The following DYSF variants were observed in gnomAD, a reference collection of about 807,000 sequenced individuals.
DYSF encodes dysferlin.
A neutral mutation model predicts 274.9 loss-of-function variants in DYSF; 212 were observed. The ratio of observed to expected loss-of-function variants is 0.77; its 90% confidence interval spans 0.69 to 0.86. DYSF has a LOEUF of 0.86. Among genes scored for constraint, DYSF ranks in the 40% least tolerant of loss-of-function variants. The pLI is 0.00. For missense variants in DYSF, 2,666 were observed against 2,783.2 expected (o/e 0.96, Z 0.95); for synonymous variants, 1,091 against 1,078.7 (o/e 1.01, Z -0.22).
At chr2:71,513,099 G>A (rs1227946711) in intron 5 of DYSF, 141 bp from the exon 6 acceptor site, 3 of 788,670 alleles carry the variant, frequency 3.8e-6, no homozygotes, top group Admixed American at 2.0e-5. Context: ...GTGCCACTGG[G>A]CTCCACAGCT....
intron 41 of DYSF, among the ~76,000 whole-genome samples, chr2:71,629,241 CTATT>C (rs2152906260): frequency 6.6e-6 from 1 of 152,300 alleles, no homozygotes; most frequent in Non-Finnish European, 1.5e-5. Context: ...TTTACCCTAT[CTATT>C]GAGTTTTCAG....
chr2:71,473,455 A>C (rs976686638), intron 1 of DYSF, among the ~76,000 whole-genome samples: 5 of 152,178 alleles, frequency 3.3e-5, no homozygotes, highest in Non-Finnish European at 7.3e-5. Context: ...CTGCTGCAGG[A>C]TCCAAAGCCC....
At chr2:71,576,625 G>A (rs572808448) in intron 30 of DYSF, among the ~76,000 whole-genome samples, 29 of 152,356 alleles carry the variant, frequency 1.9e-4, no homozygotes, top group African/African-American at 7.0e-4. Context: ...ACGGTGAAGT[G>A]CTGTGTGAGG....
chr2:71,552,123 T>C (rs963955608), intron 19 of DYSF, among the ~76,000 whole-genome samples: 3 of 152,162 alleles, frequency 2.0e-5, no homozygotes, highest in African/African-American at 7.2e-5. Flanking sequence ...TTATTATTAT[T>C]ATCCCCATTT....
rs1191986936 is a variant in DYSF at position 71,610,310 on chromosome 2, C to T, written c.3958-935C>T. Among the ~76,000 whole-genome samples the T allele has an allele frequency of 2.0e-5, 3 of 152,202 alleles. No homozygotes were observed. The South Asian group carries it at 6.2e-4, about 31-fold the overall frequency. On this transcript the variant is annotated intron_variant, in intron 36 of 55. Coordinates refer to ENST00000410020, the MANE Select transcript of DYSF (RefSeq NM_001130987.2). ...TTATACAGGTATTAACTTCCTCAAC[C>T]CTCACCCTAACCTTTAGAGGTTGAC...
At chr2:71,590,158 C>T (rs1343448923) in intron 31 of DYSF, 53 bp from the exon 32 acceptor site, 1 of 1,599,186 alleles carries the variant, frequency 6.3e-7, no homozygotes, top group African/African-American at 1.3e-5. Flanking sequence ...AGCCCCAGCT[C>T]TTAACCACTC....
At chr2:71,521,807 A>G (rs1230449599) in intron 12 of DYSF, among the ~76,000 whole-genome samples, 2 of 152,024 alleles carry the variant, frequency 1.3e-5, no homozygotes, top group Non-Finnish European at 2.9e-5. Flanking sequence ...TTACCTGGGT[A>G]TAGTTTACTC....
intron 17 of DYSF, among the ~76,000 whole-genome samples, chr2:71,540,241 G>T (rs1437613854): frequency 1.3e-5 from 2 of 151,796 alleles, no homozygotes; most frequent in Non-Finnish European, 2.9e-5. Context: ...CTCCCGAGCA[G>T]CTGGGACTAC....
At chr2:71,551,757 G>A in intron 19 of DYSF, 37 bp downstream of exon 19, 3 of 1,532,688 alleles carry the variant, frequency 2.0e-6, no homozygotes, top group Non-Finnish European at 2.7e-6. Context: ...CTGGGCGTCG[G>A]GGCAGGGAAG....
rs759062827 is a variant in DYSF, at chr2:71,590,198, T to A, written c.3497-13T>A. 30 of 1,613,936 alleles carry A rather than the reference T, an allele frequency of 1.9e-5. No individual in the cohort carries two copies. The highest frequency in any genetic ancestry group is 2.3e-5 in the Non-Finnish European group (27 of 1,179,996). On this transcript the variant is annotated splice_polypyrimidine_tract_variant and intron_variant, in intron 31 of 55. Transcript: ENST00000410020. ...CACTCACTCTGGCACCTCTGTTTTT[T>A]CCCTTGGTGAAGATGGGAACCGCTA... is the stretch of plus-strand genomic sequence containing the variant.
At chr2:71,558,194 G>C (rs920546326) in intron 22 of DYSF, among the ~76,000 whole-genome samples, 1 of 152,194 alleles carries the variant, frequency 6.6e-6, no homozygotes, top group East Asian at 1.9e-4. Context: ...GGAGCCACAG[G>C]AGGGTTCAGA....
intron 5 of DYSF, 116 bp from the exon 6 acceptor site, chr2:71,513,124 C>T (rs1444232507): frequency 2.0e-5 from 19 of 960,430 alleles, no homozygotes; most frequent in Non-Finnish European, 2.8e-5. Context: ...CTGAGCTTTG[C>T]ACCAGGCTGG....
At chr2:71,531,880 C>T (rs1221218830) in intron 14 of DYSF, among the ~76,000 whole-genome samples, 1 of 152,126 alleles carries the variant, frequency 6.6e-6, no homozygotes, top group Admixed American at 6.5e-5. Flanking sequence ...TGTCCTTCAA[C>T]AGAAGCACAC....
At chr2:71,543,195 G>T (rs2090106895) in intron 17 of DYSF, among the ~76,000 whole-genome samples, 1 of 141,234 alleles carries the variant, frequency 7.1e-6, no homozygotes, top group Admixed American at 7.0e-5. Flanking sequence ...GGAGTGGCCC[G>T]TTAGAGACGC....
chr2:71,658,969 AG>A lies in DYSF; in HGVS notation c.4848del (p.Glu1616AspfsTer31), dbSNP rs2152941075. ...CAGCTGGCCGCCCAGGGACCCCAGG[AG>A]TGCTTGGTCCGTATCTACATTGTCC... The part of the protein sequence containing the change: ...FHQLAAQGPQ[E>X]CLVRIYIVRA... On this transcript the variant is annotated frameshift_variant, in exon 44 of 56. Coordinates refer to ENST00000410020, the MANE Select transcript of DYSF (RefSeq NM_001130987.2). LOFTEE classifies it high-confidence loss of function. 1 of 1,614,104 alleles carries A rather than the reference AG, an allele frequency of 6.2e-7. No homozygotes were observed.
rs752810646 is a variant in DYSF at position 71,570,703 on chromosome 2, C to T, written c.3190C>T (p.Arg1064Cys). 34 of 1,613,982 alleles carry T rather than the reference C, an allele frequency of 2.1e-5. No individual in the cohort carries two copies. Among genetic ancestry groups the T allele is most frequent in the African/African-American group, 1.6e-4 (12 of 75,028 alleles). ...CCGACGGCGGCGCTGGGTGCGCCTG[C>T]GCAGGAGGGATCTCAGCCAAATGGA... is the stretch of plus-strand genomic sequence containing the variant. ...THRRRRWVRLRRRDLSQMEAL... is the reference protein window; with the variant it reads ...THRRRRWVRLCRRDLSQMEAL... The change falls in exon 29 of 56, where the codon CGC becomes TGC. Residue 1064 changes from arginine to cysteine, a missense_variant. By Grantham distance (180) the Arg-to-Cys change is radical. Coordinates refer to ENST00000410020, the MANE Select transcript of DYSF (RefSeq NM_001130987.2).
At chr2:71,529,415 T>C (rs138727016) in intron 14 of DYSF, among the ~76,000 whole-genome samples, 6 of 152,346 alleles carry the variant, frequency 3.9e-5, no homozygotes, top group African/African-American at 1.4e-4. Context: ...TTTCCTTCTG[T>C]TGTTTAACTT....
intron 45 of DYSF, among the ~76,000 whole-genome samples, chr2:71,662,514 A>C (rs13007202): frequency 6.9e-6 from 1 of 144,956 alleles, no homozygotes; most frequent in Non-Finnish European, 1.5e-5. Context: ...GTATATGTGT[A>C]TGTGTGTCTG....
intron 41 of DYSF, among the ~76,000 whole-genome samples, chr2:71,637,892 A>C (rs1347567452): frequency 6.6e-6 from 1 of 152,184 alleles, no homozygotes; most frequent in Non-Finnish European, 1.5e-5. Flanking sequence ...TGTGGGATGC[A>C]GGACGAAAAT....
Sources: allele counts gnomAD v4.1 joint callset (sites outside exome capture counted in the v4.1 genomes callset), GRCh38; gene constraint gnomAD v4.1.1; transcripts MANE v1.5; gene names NCBI Gene and HGNC (gene_info 2026-07-23, HGNC 2026-07-21).